Variants in FEZF2 observed in about 807,000 individuals in gnomAD.
FEZF2 encodes the protein fez family zinc finger protein 2.
Under a neutral mutation model 32.8 loss-of-function variants are expected in FEZF2, and 2 were observed. That is an observed-to-expected ratio of 0.06 (90% CI 0.02 to 0.19). FEZF2 has a LOEUF of 0.19. Among genes scored for constraint, FEZF2 ranks in the 10% least tolerant of loss-of-function variants. FEZF2 has a pLI of 1.00. For missense variants in FEZF2, 516 were observed against 625.4 expected (o/e 0.83, Z 1.87); for synonymous variants, 322 against 284.8 (o/e 1.13, Z -1.32).
In FEZF2 at chr3:62,370,404, C is replaced by T; in HGVS notation, c.1121-62G>A. On this transcript the variant is annotated intron_variant, in intron 4 of 4. Transcript: ENST00000283268. The surrounding 1 kb of genome is among the most constrained non-coding windows in gnomAD (Gnocchi z 4.2). ...GAGTAGAATGGTGGGGAGGAAGAGGCGGGCGTCCCAGGGGCAGCCCAGGTG... is the reference window on the plus strand; with the variant it reads ...GAGTAGAATGGTGGGGAGGAAGAGGTGGGCGTCCCAGGGGCAGCCCAGGTG... 5 of 1,579,026 alleles carry T rather than the reference C, an allele frequency of 3.2e-6. No homozygotes were observed. Among genetic ancestry groups the T allele is most frequent in the Non-Finnish European group, 4.3e-6 (5 of 1,157,230 alleles).
At position 62,372,813 on chromosome 3, in the gene FEZF2, C is replaced by A; in HGVS notation, c.56G>T (p.Gly19Val). Residue 19 changes from glycine to valine, a missense_variant, in exon 2 of 5, where the codon GGA becomes GTA. Around this residue, in one of 3 missense-constraint regions of FEZF2, gnomAD observed 408 missense variants for 382.2 expected, o/e 1.07. Transcript: ENST00000283268. This position sits in a 1 kb window ranked among gnomAD's most constrained non-coding sequence, Gnocchi z 9.6. ...TGTCTTGGAAGTGGCCGGCGACGCTCCGGCGCGCGGGCAGGCCGGGGGCAC... is the reference window on the plus strand; with the variant it reads ...TGTCTTGGAAGTGGCCGGCGACGCTACGGCGCGCGGGCAGGCCGGGGGCAC... Reference protein sequence around the residue: ...TMVPPACPRAGASPATSKTLA... With the variant: ...TMVPPACPRAVASPATSKTLA... The A allele has an allele frequency of 6.5e-7, 1 of 1,539,352 alleles. No homozygotes were observed. Among genetic ancestry groups the A allele is most frequent in the East Asian group, 2.5e-5 (1 of 39,788 alleles).
Position 62,372,201 on chromosome 3 carries a change from G to A in FEZF2, c.668C>T (p.Ala223Val), listed in dbSNP as rs374025354. ...GGGAGCCGGGTGGGGGAACTTGTCC[G>A]CAGCCAGGCCGGCCAGCTTGGCGTT... Reference protein sequence around the residue: ...LENAKLAGLAADKFPHPAPYP... With the variant: ...LENAKLAGLAVDKFPHPAPYP... The change falls in exon 2 of 5, where the codon GCG becomes GTG. Residue 223 changes from alanine to valine, a missense_variant. This residue lies in a region of FEZF2 where 408 missense variants were observed against 382.2 expected (regional missense o/e 1.07). Transcript: ENST00000283268. This position sits in a 1 kb window ranked among gnomAD's most constrained non-coding sequence, Gnocchi z 9.6. 1.9e-4 allele frequency: 305 copies of A among 1,576,754 alleles called. No individual in the cohort carries two copies. Among genetic ancestry groups the A allele is most frequent in the Admixed American group, 3.9e-4 (21 of 54,162 alleles).
chr3:62,371,909 C>T, intron 2 of FEZF2, 108 bp downstream of exon 2: 3 of 1,478,776 alleles, frequency 2.0e-6, no homozygotes. Flanking sequence ...GGGTAGTCAA[C>T]TACTGGGGAG....
intron 2 of FEZF2, 42 bp downstream of exon 2, chr3:62,371,975 G>A (rs1296472467): frequency 1.9e-5 from 30 of 1,583,546 alleles, no homozygotes; most frequent in Non-Finnish European, 2.3e-5. Flanking sequence ...CGCCGCCGCC[G>A]ATCGCCCCTC....
In FEZF2 at chr3:62,373,223, A is replaced by T. The variant is rs1461831669; in HGVS notation, c.-59+56T>A. On this transcript the variant is annotated intron_variant, in intron 1 of 4. Transcript: ENST00000283268. The surrounding 1 kb of genome is among the most constrained non-coding windows in gnomAD (Gnocchi z 5.5). ...CCGGGCCTCTGCCACGCGTGCTGGG[A>T]GCTGGACAGTGAAGGGGCAAAGTTA... 4.2e-6 allele frequency: 1 copy of T among 240,568 alleles called. No homozygotes were observed. The highest frequency in any genetic ancestry group is 7.9e-6 in the Non-Finnish European group (1 of 125,806). 14.9% of individuals were successfully genotyped at this position (240,568 alleles called of 1,614,324 possible).
rs1307816156 is a variant in FEZF2, at chr3:62,369,798, G to T, written c.*285C>A. The T allele has an allele frequency of 5.1e-6, 2 of 389,672 alleles. No homozygotes were observed. Among genetic ancestry groups the T allele is most frequent in the Non-Finnish European group, 9.2e-6 (2 of 216,534 alleles). The allele number at this position is 389,672 out of a possible 1,614,324, so 24.1% of individuals were successfully genotyped here. A position where few individuals can be genotyped will look rare whatever the true frequency, so the allele number is the denominator to read the frequency against. On this transcript the variant is annotated 3_prime_UTR_variant, in exon 5 of 5. Coordinates refer to ENST00000283268, the MANE Select transcript of FEZF2 (RefSeq NM_018008.4). The surrounding 1 kb of genome is among the most constrained non-coding windows in gnomAD (Gnocchi z 4.2). ...TCTTCTGGGGCGCTCACGGTGACAG[G>T]CTGGGGTTAAAACTGGCTGCCCCAG...
Position 62,372,679 on chromosome 3 carries a change from G to A in FEZF2, c.190C>T (p.Leu64Phe), listed in dbSNP as rs766096747. The change falls in exon 2 of 5, where the codon CTC (leucine) becomes TTC (phenylalanine). Residue 64 changes from leucine (L) to phenylalanine (F), a missense_variant. This residue lies in a region of FEZF2 where 408 missense variants were observed against 382.2 expected (regional missense o/e 1.07). Transcript: ENST00000283268. This position sits in a 1 kb window ranked among gnomAD's most constrained non-coding sequence, Gnocchi z 9.6. ...EADGSQGKKL[L>F]NLCSPLPCMI... ...CAGGGCAGCGGCGAGCAGAGGTTGA[G>A]CAGTTTCTTGCCCTGGCTGCCGTCC... 4 of 1,608,476 alleles carry A rather than the reference G, an allele frequency of 2.5e-6. No individual in the cohort carries two copies. Among genetic ancestry groups the A allele is most frequent in the Admixed American group, 3.4e-5 (2 of 59,438 alleles).
rs571493111 is a variant in FEZF2, at chr3:62,369,728, A to C, written c.*355T>G. On this transcript the variant is annotated 3_prime_UTR_variant, in exon 5 of 5. Coordinates refer to ENST00000283268, the MANE Select transcript of FEZF2 (RefSeq NM_018008.4). The surrounding 1 kb of genome is among the most constrained non-coding windows in gnomAD (Gnocchi z 4.2). Reference sequence around the variant, plus strand: ...GTATATATTCCGTGTTCGCTTGTACAGGAGGATTTACATGGCTGTATAAAG... The same window carrying C: ...GTATATATTCCGTGTTCGCTTGTACCGGAGGATTTACATGGCTGTATAAAG... 1 of 245,304 alleles carries C rather than the reference A, an allele frequency of 4.1e-6. No individual in the cohort carries two copies. Among genetic ancestry groups the C allele is most frequent in the Non-Finnish European group, 7.9e-6 (1 of 126,668 alleles). The allele number at this position is 245,304 out of a possible 1,614,324, so 15.2% of individuals were successfully genotyped here. A position where few individuals can be genotyped will look rare whatever the true frequency, so the allele number is the denominator to read the frequency against.
rs1704247037 is a variant in FEZF2, at chr3:62,369,993, T to G, written c.*90A>C. The G allele has an allele frequency of 2.1e-6, 3 of 1,431,070 alleles. No homozygotes were observed. In the East Asian group the frequency reaches 7.5e-5, roughly 36 times the overall value. 88.6% of individuals were successfully genotyped at this position (1,431,070 alleles called of 1,614,324 possible). A position where few individuals can be genotyped will look rare whatever the true frequency, so the allele number is the denominator to read the frequency against. On this transcript the variant is annotated 3_prime_UTR_variant, in exon 5 of 5. Transcript: ENST00000283268. This position sits in a 1 kb window ranked among gnomAD's most constrained non-coding sequence, Gnocchi z 4.2. Reference sequence around the variant, plus strand: ...TAGATTTTAGCCTCTCTGCTATAGTTTTTTTTTCTTTTAATTTTAGAAATA... The same window carrying G: ...TAGATTTTAGCCTCTCTGCTATAGTGTTTTTTTCTTTTAATTTTAGAAATA...
rs757420887 is a variant in FEZF2 at position 62,372,709 on chromosome 3, C to G, written c.160G>C (p.Glu54Gln). The G allele has an allele frequency of 1.9e-6, 3 of 1,609,582 alleles. No individual in the cohort carries two copies. The highest frequency in any genetic ancestry group is 1.7e-5 in the Admixed American group (1 of 59,572). Residue 54 changes from glutamate to glutamine, a missense_variant, in exon 2 of 5, where the codon GAG becomes CAG. By Grantham distance (29) the Glu-to-Gln change is conservative (BLOSUM62 2). Transcript: ENST00000283268. This position sits in a 1 kb window ranked among gnomAD's most constrained non-coding sequence, Gnocchi z 9.6. Reference sequence around the variant, plus strand: ...TTCTTGCCCTGGCTGCCGTCCGCCTCTAGCGCTCCAGGCCGGGGCTCAAAG... The same window carrying G: ...TTCTTGCCCTGGCTGCCGTCCGCCTGTAGCGCTCCAGGCCGGGGCTCAAAG... ...APFEPRPGAL[E>Q]ADGSQGKKLL... is the part of the protein sequence containing the mutation.
rs774394149 is a variant in FEZF2 at position 62,370,036 on chromosome 3, T to A, written c.*47A>T. On this transcript the variant is annotated 3_prime_UTR_variant, in exon 5 of 5. Coordinates refer to ENST00000283268, the MANE Select transcript of FEZF2 (RefSeq NM_018008.4). This position sits in a 1 kb window ranked among gnomAD's most constrained non-coding sequence, Gnocchi z 4.2. ...TAGAAATAAGTTTATATGTGTGATC[T>A]GTTTTCAGGTGGTACAGGGAGGGAA... The A allele has an allele frequency of 4.4e-6, 7 of 1,583,478 alleles. No individual in the cohort carries two copies. Among genetic ancestry groups the A allele is most frequent in the Non-Finnish European group, 6.0e-6 (7 of 1,161,308 alleles).
In FEZF2 at chr3:62,372,094, C is replaced by A; in HGVS notation, c.775G>T (p.Val259Phe). 6.2e-7 allele frequency: 1 copy of A among 1,606,688 alleles called. No homozygotes were observed. Among genetic ancestry groups the A allele is most frequent in the Non-Finnish European group, 8.5e-7 (1 of 1,177,332 alleles). The change falls in exon 2 of 5, where the codon GTC (valine) becomes TTC (phenylalanine). Residue 259 changes from valine (V) to phenylalanine (F), a missense_variant. Around this residue, in one of 3 missense-constraint regions of FEZF2, gnomAD observed 408 missense variants for 382.2 expected, o/e 1.07. Coordinates refer to ENST00000283268, the MANE Select transcript of FEZF2 (RefSeq NM_018008.4). The surrounding 1 kb of genome is among the most constrained non-coding windows in gnomAD (Gnocchi z 9.6). ...CCTGGCAGCTTGCTGTGGCCCTTGA[C>A]GCCTCCGCGCTCGGCAGTCAGGGCC... ...NSALTAERGG[V>F]KGHSKLPGGS...
In FEZF2 at chr3:62,371,638, G is replaced by T. The variant is rs1378927878; in HGVS notation, c.882C>A (p.Arg294=). 1 of 1,613,980 alleles carries T rather than the reference G, an allele frequency of 6.2e-7. No individual in the cohort carries two copies. Residue 294 remains arginine, a synonymous_variant, in exon 3 of 5, where the codon CGC becomes CGA. Transcript: ENST00000283268. ...KVFNAHYNLT[R]HMPVHTGARP... is the part of the protein sequence containing the mutation. ...TGGCTCCGGTGTGGACCGGCATGTG[G>T]CGGGTGAGATTATAGTGAGCGTTAA...
rs140766451 is a variant in FEZF2, at chr3:62,371,599, G to A, written c.921C>T (p.Cys307=). 3 of 1,614,210 alleles carry A rather than the reference G, an allele frequency of 1.9e-6. No individual in the cohort carries two copies. Among genetic ancestry groups the A allele is most frequent in the Non-Finnish European group, 2.5e-6 (3 of 1,180,038 alleles). Residue 307 remains cysteine, a synonymous_variant, in exon 3 of 5, where the codon TGC becomes TGT. Transcript: ENST00000283268. ...GGCGAAAGCCTTTGCCGCAGACTTTGCACACGAACGGTCTGGCTCCGGTGT... is the reference window on the plus strand; with the variant it reads ...GGCGAAAGCCTTTGCCGCAGACTTTACACACGAACGGTCTGGCTCCGGTGT... ...PVHTGARPFV[C]KVCGKGFRQA... is the part of the protein sequence containing the mutation.
In FEZF2 at chr3:62,370,541, A is replaced by C. The variant is rs147756742; in HGVS notation, c.1121-199T>G. ...TGCTCTCCCGACAAGACCGAGACTG[A>C]GTCCCGCGGAGCCGCTCTGCGCTCC... is the stretch of plus-strand genomic sequence containing the variant. On this transcript the variant is annotated intron_variant, in intron 4 of 4. Transcript: ENST00000283268. The surrounding 1 kb of genome is among the most constrained non-coding windows in gnomAD (Gnocchi z 4.2). Among the ~76,000 whole-genome samples, 7 of 152,248 alleles carry C rather than the reference A, an allele frequency of 4.6e-5. No homozygotes were observed. Among genetic ancestry groups the C allele is most frequent in the African/African-American group, 1.7e-4 (7 of 41,552 alleles).
intron 2 of FEZF2, 82 bp from the exon 3 acceptor site, chr3:62,371,749 C>T: frequency 1.3e-6 from 2 of 1,530,854 alleles, no homozygotes; most frequent in South Asian, 2.6e-5. Context: ...GCCTACCTCC[C>T]CCAACCAACA....
In FEZF2 at chr3:62,372,828, G is replaced by A. The variant is rs1704294004; in HGVS notation, c.41C>T (p.Ala14Val). Residue 14 changes from alanine (A) to valine (V), a missense_variant, in exon 2 of 5, where the codon GCC becomes GTC. By Grantham distance (64) the Ala-to-Val change is moderately conservative. This residue lies in a region of FEZF2 where 408 missense variants were observed against 382.2 expected (regional missense o/e 1.07). Transcript: ENST00000283268. The surrounding 1 kb of genome is among the most constrained non-coding windows in gnomAD (Gnocchi z 9.6). ...CGGCGACGCTCCGGCGCGCGGGCAG[G>A]CCGGGGGCACCATGGTCTCCAGGGA... is the stretch of plus-strand genomic sequence containing the variant. Reference protein sequence around the residue: ...SASLETMVPPACPRAGASPAT... With the variant: ...SASLETMVPPVCPRAGASPAT... 3.3e-6 allele frequency: 5 copies of A among 1,513,118 alleles called. No homozygotes were observed. The highest frequency in any genetic ancestry group is 2.6e-5 in the East Asian group (1 of 38,706). The allele number at this position is 1,513,118 out of a possible 1,614,324, so 93.7% of individuals were successfully genotyped here. A position where few individuals can be genotyped will look rare whatever the true frequency, so the allele number is the denominator to read the frequency against.
intron 2 of FEZF2, among the ~76,000 whole-genome samples, 164 bp downstream of exon 2, chr3:62,371,853 C>G (rs892110450): frequency 6.6e-6 from 1 of 152,170 alleles, no homozygotes; most frequent in Non-Finnish European, 1.5e-5. Context: ...AAGGGCATCC[C>G]CATTTTACAG....
At position 62,369,770 on chromosome 3, in the gene FEZF2, C is replaced by T. The variant is rs761476560; in HGVS notation, c.*313G>A. The T allele has an allele frequency of 3.1e-4, 97 of 317,574 alleles. No individual in the cohort carries two copies. The highest frequency in any genetic ancestry group is 1.7e-3 in the Admixed American group (36 of 21,666). 19.7% of individuals were successfully genotyped at this position (317,574 alleles called of 1,614,324 possible). ...TGTATAAAGATGGCTAGGGGCGCCGCGCTCTTCTGGGGCGCTCACGGTGAC... is the reference window on the plus strand; with the variant it reads ...TGTATAAAGATGGCTAGGGGCGCCGTGCTCTTCTGGGGCGCTCACGGTGAC... On this transcript the variant is annotated 3_prime_UTR_variant, in exon 5 of 5. Coordinates refer to ENST00000283268, the MANE Select transcript of FEZF2 (RefSeq NM_018008.4). This position sits in a 1 kb window ranked among gnomAD's most constrained non-coding sequence, Gnocchi z 4.2.
Sources: allele counts gnomAD v4.1 joint callset (sites outside exome capture counted in the v4.1 genomes callset), GRCh38; gene constraint gnomAD v4.1.1; regional missense constraint gnomAD v4.1.1; non-coding constraint Gnocchi (gnomAD v3.1); transcripts MANE v1.5; gene names NCBI Gene and HGNC (gene_info 2026-07-23, HGNC 2026-07-21).